CACNA1B: variants seen among roughly 807,000 people sequenced by gnomAD.
CACNA1B encodes the protein calcium voltage-gated channel subunit alpha1 B.
In CACNA1B, 70 loss-of-function variants were observed where a neutral mutation model predicts 247.2. That is an observed-to-expected ratio of 0.28 (90% CI 0.23 to 0.35). The LOEUF is 0.35. Ranked by LOEUF, CACNA1B falls within the 10% of genes least tolerant of loss-of-function variation. CACNA1B has a pLI of 1.00. For synonymous variants in CACNA1B, 1,231 were observed against 1,294.4 expected, an observed-to-expected ratio of 0.95 and a Z score of 1.05; for missense variants, 2,367 against 3,197.4, an observed-to-expected ratio of 0.74 and a Z score of 6.26.
chr9:138,028,148 G>C (rs980695386), intron 20 of CACNA1B, among the ~76,000 whole-genome samples: 1 of 147,550 alleles, frequency 6.8e-6, no homozygotes, highest in African/African-American at 2.5e-5. Flanking sequence ...TCAGCCTCTC[G>C]AGTAGCTGGG....
At chr9:138,101,394 G>A (rs1961246101) in intron 37 of CACNA1B, among the ~76,000 whole-genome samples, 1 of 152,202 alleles carries the variant, frequency 6.6e-6, no homozygotes, top group South Asian at 2.1e-4. Flanking sequence ...GGGACAGGCA[G>A]CCTTTTGAGA....
At chr9:137,915,515 C>T (rs1957400004) in intron 5 of CACNA1B, among the ~76,000 whole-genome samples, 2 of 152,044 alleles carry the variant, frequency 1.3e-5, no homozygotes, top group African/African-American at 4.8e-5. Context: ...AGGTTTGTGG[C>T]TTGAACTACA....
At chr9:138,088,681 A>C (rs182278911) in intron 36 of CACNA1B, among the ~76,000 whole-genome samples, 14 of 151,950 alleles carry the variant, frequency 9.2e-5, no homozygotes, top group Admixed American at 9.2e-4. Flanking sequence ...TCGGCCGGGC[A>C]TGGTGGCTTA....
chr9:138,084,606 G>A (rs1960633593), intron 36 of CACNA1B, among the ~76,000 whole-genome samples: 1 of 151,276 alleles, frequency 6.6e-6, no homozygotes, highest in East Asian at 2.0e-4. Context: ...TTTGGAAGAG[G>A]TGATTTGTTT....
intron 15 of CACNA1B, among the ~76,000 whole-genome samples, chr9:138,004,377 A>C (rs1431727725): frequency 6.6e-6 from 1 of 151,806 alleles, no homozygotes; most frequent in Non-Finnish European, 1.5e-5. Flanking sequence ...GCAAAACCCC[A>C]TCTCTACTAA....
intron 15 of CACNA1B, among the ~76,000 whole-genome samples, chr9:138,002,292 C>G (rs372068287): frequency 1.7e-4 from 26 of 152,072 alleles, no homozygotes; most frequent in Admixed American, 8.5e-4. Flanking sequence ...AAATTTGGGT[C>G]TGGGAAAATT....
At chr9:138,045,379 C>T (rs1313092066) in intron 21 of CACNA1B, among the ~76,000 whole-genome samples, 1 of 152,122 alleles carries the variant, frequency 6.6e-6, no homozygotes, top group Non-Finnish European at 1.5e-5. Context: ...GTAAGGGTTT[C>T]AGGCAGAGAG....
At position 137,986,815 on chromosome 9, in the gene CACNA1B, C is replaced by T; in HGVS notation, c.1935C>T (p.Asn645=). 1 of 1,613,984 alleles carries T rather than the reference C, an allele frequency of 6.2e-7. No individual in the cohort carries two copies. Among genetic ancestry groups the T allele is most frequent in the Non-Finnish European group, 8.5e-7 (1 of 1,179,850 alleles). Residue 645 remains asparagine (N), a synonymous_variant, in exon 15 of 47, where the codon AAC becomes AAT. Transcript: ENST00000371372. This position sits in a 1 kb window ranked among gnomAD's most constrained non-coding sequence, Gnocchi z 6.0. ...FNFQDETPTT[N]FDTFPAAILT... is the part of the protein sequence containing the mutation. ...TCCAGGATGAGACTCCCACAACCAA[C>T]TTCGACACCTTCCCTGCCGCCATCC...
intron 10 of CACNA1B, among the ~76,000 whole-genome samples, chr9:137,967,022 G>A (rs551967304): frequency 2.1e-4 from 32 of 150,760 alleles, no homozygotes; most frequent in African/African-American, 6.6e-4. Context: ...TAATGGTAAC[G>A]GGTGAATCCA....
Position 138,054,706 on chromosome 9 carries a change from C to T in CACNA1B, c.3968+700C>T, listed in dbSNP as rs188776237. 2.0e-5 allele frequency among the ~76,000 whole-genome samples: 3 copies of T among 152,300 alleles called. No individual in the cohort carries two copies. The highest frequency in any genetic ancestry group is 2.9e-5 in the Non-Finnish European group (2 of 68,018). On this transcript the variant is annotated intron_variant, in intron 26 of 46. Coordinates refer to ENST00000371372, the MANE Select transcript of CACNA1B (RefSeq NM_000718.4). This position sits in a 1 kb window ranked among gnomAD's most constrained non-coding sequence, Gnocchi z 4.6. ...TGTATCTGTCTGGTAGTGGAATTGC[C>T]GGGTCCTGGGTGTGCGTGTACTCAG... is the stretch of plus-strand genomic sequence containing the variant.
rs201915962 is a variant in CACNA1B at position 138,058,234 on chromosome 9, G to A, written c.4292G>A (p.Ser1431Asn). 1.2e-6 allele frequency: 2 copies of A among 1,613,688 alleles called. No individual in the cohort carries two copies. Among genetic ancestry groups the A allele is most frequent in the Non-Finnish European group, 1.7e-6 (2 of 1,179,578 alleles). ...EQGDKVMSEC[S>N]LEKNERACID... is the part of the protein sequence containing the mutation. ...GGGGACAAGGTGATGTCTGAATGCA[G>A]CCTGGAGAAGAACGAGGTAGGTGGA... Residue 1431 changes from serine to asparagine, a missense_variant, in exon 28 of 47, where the codon AGC becomes AAC. Ser to Asn is a conservative substitution (Grantham distance 46). This residue lies in a region of CACNA1B where 436 missense variants were observed against 679.5 expected (regional missense o/e 0.64). Transcript: ENST00000371372. This position sits in a 1 kb window ranked among gnomAD's most constrained non-coding sequence, Gnocchi z 4.7.
chr9:137,949,455 C>T (rs1000524745), intron 6 of CACNA1B, among the ~76,000 whole-genome samples: 70 of 92,780 alleles, frequency 7.5e-4, no homozygotes, highest in African/African-American at 2.4e-3. Flanking sequence ...GGGGTGTGTG[C>T]GTGTGTGTGT....
rs747256477 is a variant in CACNA1B at position 137,957,455 on chromosome 9, A to G, written c.1244-143A>G. ...TGGGAGGGACCCAAGGGGGCCCACA[A>G]TCATCCGGCCTCAGCCCCAGTTCAG... On this transcript the variant is annotated intron_variant, in intron 9 of 46. Transcript: ENST00000371372. This position sits in a 1 kb window ranked among gnomAD's most constrained non-coding sequence, Gnocchi z 4.7. The G allele has an allele frequency of 3.2e-4, 154 of 481,772 alleles. No individual in the cohort carries two copies. The highest frequency in any genetic ancestry group is 4.4e-4 in the Non-Finnish European group (123 of 281,700). 29.8% of individuals were successfully genotyped at this position (481,772 alleles called of 1,614,324 possible).
chr9:137,983,542 A>C (rs1045180793), intron 12 of CACNA1B, among the ~76,000 whole-genome samples: 1 of 152,100 alleles, frequency 6.6e-6, no homozygotes, highest in African/African-American at 2.4e-5. Context: ...TCAACAGTGC[A>C]TGAAACAAAC....
intron 37 of CACNA1B, among the ~76,000 whole-genome samples, chr9:138,098,652 T>C (rs989860938): frequency 6.6e-6 from 1 of 152,082 alleles, no homozygotes; most frequent in Non-Finnish European, 1.5e-5. Context: ...TTGGTTACCA[T>C]GCACAGTGGT....
Position 138,084,164 on chromosome 9 carries a change from C to A in CACNA1B, c.5094+5906C>A, listed in dbSNP as rs751741645. On this transcript the variant is annotated intron_variant, in intron 36 of 46. Transcript: ENST00000371372. The stretch of plus-strand genomic sequence containing the variant: ...TCCTGGCACTGTGGGCAACGTACAC[C>A]CAACTCTGCCCCAGGGAGCAAACCT... Among the ~76,000 whole-genome samples the A allele has an allele frequency of 7.3e-5, 11 of 151,042 alleles. 1 individual carries two copies. The highest frequency in any genetic ancestry group is 3.3e-4 in the Admixed American group (5 of 15,212).
At position 138,117,947 on chromosome 9, in the gene CACNA1B, C is replaced by G. The variant is rs200502807; in HGVS notation, c.5779C>G (p.Gln1927Glu). Residue 1927 changes from glutamine to glutamate, a missense_variant and splice_region_variant, in exon 43 of 47, where the codon CAA (glutamine) becomes GAA (glutamate). By Grantham distance (29) the Gln-to-Glu change is conservative. Coordinates refer to ENST00000371372, the MANE Select transcript of CACNA1B (RefSeq NM_000718.4). ...STSLSNGGAI[Q>E]NQESGIKESV... is the part of the protein sequence containing the mutation. ...ATCTGTTTGTCTTCTCTGCCACAGACAAAACCAAGAGAGTGGCATCAAAGA... is the reference window on the plus strand; with the variant it reads ...ATCTGTTTGTCTTCTCTGCCACAGAGAAAACCAAGAGAGTGGCATCAAAGA... The G allele has an allele frequency of 3.2e-6, 5 of 1,575,176 alleles. No homozygotes were observed. The highest frequency in any genetic ancestry group is 4.3e-6 in the Non-Finnish European group (5 of 1,155,692).
chr9:137,902,388 C>G (rs1027923476), intron 3 of CACNA1B, among the ~76,000 whole-genome samples: 1 of 152,170 alleles, frequency 6.6e-6, no homozygotes, highest in African/African-American at 2.4e-5. Context: ...TGCCTCCTTG[C>G]TTTTCAGTAG....
rs148527196 is a variant in CACNA1B at position 137,995,298 on chromosome 9, A to T, written c.1974+8444A>T. ...ACTTCAAACTACGATATAAGGTCAT[A>T]GTCACCAAAACACCATGGTACTGGT... On this transcript the variant is annotated intron_variant, in intron 15 of 46. Transcript: ENST00000371372. Among the ~76,000 whole-genome samples the T allele has an allele frequency of 1.4e-3, 212 of 152,340 alleles. 1 individual carries two copies. Among genetic ancestry groups the T allele is most frequent in the African/African-American group, 4.8e-3 (200 of 41,584 alleles).
Sources: allele counts gnomAD v4.1 joint callset (sites outside exome capture counted in the v4.1 genomes callset), GRCh38; gene constraint gnomAD v4.1.1; regional missense constraint gnomAD v4.1.1; non-coding constraint Gnocchi (gnomAD v3.1); transcripts MANE v1.5; gene names NCBI Gene and HGNC (gene_info 2026-07-23, HGNC 2026-07-21).